MON2: variants seen among roughly 807,000 people sequenced by gnomAD.
MON2 encodes protein MON2 homolog.
Under a neutral mutation model 208.6 loss-of-function variants are expected in MON2, and 84 were observed. The ratio of observed to expected loss-of-function variants is 0.40; its 90% confidence interval spans 0.34 to 0.48. MON2 has a LOEUF of 0.48. Ranked by LOEUF, MON2 falls within the 20% of genes least tolerant of loss-of-function variation. The pLI, the probability that MON2 is intolerant of heterozygous loss-of-function variation, is 0.59. For synonymous variants in MON2, 660 were observed against 694.0 expected, an observed-to-expected ratio of 0.95 and a Z score of 0.77; for missense variants, 1,611 against 2,015.4, an observed-to-expected ratio of 0.80 and a Z score of 3.84.
chr12:62,553,100 C>T lies in MON2; in HGVS notation c.3136C>T (p.Gln1046Ter). Residue 1046 changes from glutamine (Q) to a stop codon, truncating the protein, a stop_gained, in exon 24 of 35, where the codon CAA becomes TAA. Transcript: ENST00000393630. LOFTEE classifies it high-confidence loss of function. Reference protein sequence around the residue: ...PRPAVRKSAGQTLFSTIGAHG... With the variant: ...PRPAVRKSAG ...TCCTGCTGTCAGGAAGAGTGCAGGG[C>T]AAACTCTGTTTTCTACAATTGGTGC... 6.2e-7 allele frequency: 1 copy of T among 1,614,142 alleles called. No homozygotes were observed. The highest frequency in any genetic ancestry group is 8.5e-7 in the Non-Finnish European group (1 of 1,179,994).
chr12:62,555,942 A>G, intron 24 of MON2, 52 bp from the exon 25 acceptor site: 1 of 1,331,458 alleles, frequency 7.5e-7, no homozygotes, highest in Non-Finnish European at 1.1e-6. Context: ...CTATGCTATT[A>G]CTTAAGCTAT....
At chr12:62,475,607 G>A (rs1161135677) in intron 1 of MON2, among the ~76,000 whole-genome samples, 6 of 150,850 alleles carry the variant, frequency 4.0e-5, no homozygotes, top group African/African-American at 1.5e-4. Context: ...GTTTCACCAT[G>A]TTGGCCAGGC....
At chr12:62,544,768 G>T (rs1403951347) in intron 20 of MON2, 130 bp from the exon 21 acceptor site, 6 of 1,535,852 alleles carry the variant, frequency 3.9e-6, no homozygotes, top group South Asian at 1.2e-5. Context: ...TTATTCAGAA[G>T]GTAAGCTAAC....
intron 11 of MON2, among the ~76,000 whole-genome samples, chr12:62,526,328 C>A (rs74803066): frequency 0.041 from 6,279 of 152,102 alleles, 453 homozygotes; most frequent in African/African-American, 0.14. Context: ...AATGTGATTT[C>A]TTTACATATG....
intron 2 of MON2, chr12:62,484,933 T>C (rs1209323612): frequency 8.5e-6 from 1 of 117,970 alleles, no homozygotes; most frequent in African/African-American, 3.2e-5. Context: ...TTTTTTTTTT[T>C]TTAAGAATCT....
chr12:62,554,214 C>T (rs2073870773), intron 24 of MON2, among the ~76,000 whole-genome samples: 1 of 152,138 alleles, frequency 6.6e-6, no homozygotes, highest in South Asian at 2.1e-4. Context: ...TTTTCTCACA[C>T]ACCTTGCATT....
At chr12:62,545,276 G>A (rs971754382) in intron 21 of MON2, among the ~76,000 whole-genome samples, 2 of 151,302 alleles carry the variant, frequency 1.3e-5, no homozygotes, top group Admixed American at 6.6e-5. Context: ...TCCTCTTCAT[G>A]CAGTGCTAAA....
At chr12:62,485,887 A>G (rs1592839006) in intron 2 of MON2, among the ~76,000 whole-genome samples, 1 of 152,144 alleles carries the variant, frequency 6.6e-6, no homozygotes, top group Non-Finnish European at 1.5e-5. Context: ...TATTTTTAGT[A>G]GAGACAGGGT....
chr12:62,512,847 G>A (rs1033140316), intron 8 of MON2, among the ~76,000 whole-genome samples: 3 of 152,208 alleles, frequency 2.0e-5, no homozygotes, highest in African/African-American at 7.2e-5. Flanking sequence ...TACATCTTCT[G>A]AAATCTAGGC....
chr12:62,549,599 G>A (rs920102491), intron 22 of MON2, 69 bp from the exon 23 acceptor site: 1 of 1,413,614 alleles, frequency 7.1e-7, no homozygotes, highest in Non-Finnish European at 9.5e-7. Flanking sequence ...GTGGCAGAGT[G>A]AGACCCTGTC....
intron 29 of MON2, among the ~76,000 whole-genome samples, chr12:62,567,489 T>C (rs2136383941): frequency 1.3e-5 from 2 of 152,314 alleles, no homozygotes; most frequent in African/African-American, 4.8e-5. Flanking sequence ...AGAAACTGCT[T>C]TCTTAAACTT....
intron 19 of MON2, 102 bp from the exon 20 acceptor site, chr12:62,542,995 T>G: frequency 3.2e-6 from 2 of 619,848 alleles, no homozygotes; most frequent in Non-Finnish European, 5.4e-6. Flanking sequence ...CCACTCAATT[T>G]TAATTTCAGT....
intron 8 of MON2, among the ~76,000 whole-genome samples, chr12:62,510,923 T>G (rs2071363634): frequency 6.6e-6 from 1 of 152,152 alleles, no homozygotes; most frequent in Non-Finnish European, 1.5e-5. Context: ...CTGTTAGAAC[T>G]AATAAACATA....
intron 1 of MON2, among the ~76,000 whole-genome samples, chr12:62,468,172 CAAAA>C (rs201380712): frequency 7.4e-5 from 11 of 148,976 alleles, no homozygotes; most frequent in Admixed American, 6.7e-4. Context: ...AAAAAACAAA[CAAAA>C]AAACCCACCA....
At chr12:62,512,882 G>T (rs1435667176) in intron 8 of MON2, among the ~76,000 whole-genome samples, 1 of 152,158 alleles carries the variant, frequency 6.6e-6, no homozygotes, top group African/African-American at 2.4e-5. Flanking sequence ...CTCAATTCTT[G>T]ACTTCTCTGC....
chr12:62,497,314 T>TA (rs960994930), intron 4 of MON2, among the ~76,000 whole-genome samples: 5 of 151,792 alleles, frequency 3.3e-5, no homozygotes, highest in Non-Finnish European at 5.9e-5. Flanking sequence ...TAAAGTATAA[T>TA]AAAAAAAATT....
chr12:62,570,776 G>A (rs551120880), intron 29 of MON2, among the ~76,000 whole-genome samples: 4 of 129,818 alleles, frequency 3.1e-5, no homozygotes, highest in African/African-American at 1.2e-4. Context: ...CTCTGTTGCC[G>A]GGCTGGAGTA....
chr12:62,502,241 A>AT (rs963612182), intron 7 of MON2, among the ~76,000 whole-genome samples: 1 of 151,696 alleles, frequency 6.6e-6, no homozygotes, highest in Non-Finnish European at 1.5e-5. Context: ...ATAAAACAAA[A>AT]TTTTTTTAAA....
At chr12:62,506,555 G>T (rs771275635) in intron 7 of MON2, among the ~76,000 whole-genome samples, 1 of 151,966 alleles carries the variant, frequency 6.6e-6, no homozygotes, top group Non-Finnish European at 1.5e-5. Context: ...GTGAAACCCC[G>T]TCTCTACTAA....
Sources: allele counts gnomAD v4.1 joint callset (sites outside exome capture counted in the v4.1 genomes callset), GRCh38; gene constraint gnomAD v4.1.1; transcripts MANE v1.5; gene names NCBI Gene and HGNC (gene_info 2026-07-23, HGNC 2026-07-21).